EML1: variants seen among roughly 807,000 people sequenced by gnomAD.
The protein encoded by EML1 is EMAP like 1, also known as echinoderm microtubule-associated protein-like 1.
Under a neutral mutation model 110.4 loss-of-function variants are expected in EML1, and 27 were observed. The observed-to-expected ratio is 0.24, with a 90% confidence interval of 0.18 to 0.34. The LOEUF (loss-of-function observed/expected upper bound fraction) is 0.34, where lower values mean the gene tolerates loss of function less well. Among genes scored for constraint, EML1 ranks in the 10% least tolerant of loss-of-function variants. The pLI is 1.00. For missense variants in EML1, 741 were observed against 1,030.9 expected, an observed-to-expected ratio of 0.72 and a Z score of 3.85; for synonymous variants, 344 against 385.8, an observed-to-expected ratio of 0.89 and a Z score of 1.27.
At chr14:99,811,044 T>C (rs1337226350) in intron 1 of EML1, among the ~76,000 whole-genome samples, 1 of 151,044 alleles carries the variant, frequency 6.6e-6, no homozygotes, top group African/African-American at 2.4e-5. Flanking sequence ...CTGTCTGGGA[T>C]CCCATATGGT....
intron 9 of EML1, 73 bp from the exon 10 acceptor site, chr14:99,907,565 A>T: frequency 2.3e-6 from 3 of 1,303,522 alleles, no homozygotes; most frequent in Non-Finnish European, 2.2e-6. Context: ...ATGAAATTTG[A>T]TGTTTATTTT....
intron 15 of EML1, among the ~76,000 whole-genome samples, chr14:99,916,529 C>T (rs2060036937): frequency 6.6e-6 from 1 of 152,164 alleles, no homozygotes; most frequent in South Asian, 2.1e-4. Flanking sequence ...CTAAACACTC[C>T]TGCAAAGTGC....
In EML1 at chr14:99,780,239, G is replaced by T. The variant is rs536488437; in HGVS notation, c.-27+6226G>T. Among the ~76,000 whole-genome samples, 99 of 152,084 alleles carry T rather than the reference G, an allele frequency of 6.5e-4. 3 individuals are homozygous for T. In the South Asian group the frequency reaches 0.019, roughly 30 times the overall value. Reference sequence around the variant, plus strand: ...CTAAATACAGTCACATTGGGGGTTGGGTTTTCAGTGTATGAGTTTGGAAGG... The same window carrying T: ...CTAAATACAGTCACATTGGGGGTTGTGTTTTCAGTGTATGAGTTTGGAAGG... On this transcript the variant is annotated intron_variant, in intron 1 of 22. Transcript: ENST00000327921.
chr14:99,827,394 C>T lies in EML1; in HGVS notation c.68-23459C>T, dbSNP rs115249478. 0.01 allele frequency among the ~76,000 whole-genome samples: 1,593 copies of T among 152,232 alleles called. 30 individuals are homozygous for T. Among genetic ancestry groups the T allele is most frequent in the African/African-American group, 0.034 (1,407 of 41,532 alleles). ...TCGAAGTACCCCGGCAGAGTAGCGG[C>T]ACCTAGTAGCCACAAGTAAGGTGCA... is the stretch of plus-strand genomic sequence containing the variant. On this transcript the variant is annotated intron_variant, in intron 1 of 21. Coordinates refer to ENST00000262233, the MANE Select transcript of EML1 (RefSeq NM_004434.3). The surrounding 1 kb of genome is among the most constrained non-coding windows in gnomAD (Gnocchi z 4.4).
chr14:99,887,859 C>T (rs2059509064), intron 4 of EML1, among the ~76,000 whole-genome samples: 1 of 152,182 alleles, frequency 6.6e-6, no homozygotes, highest in Non-Finnish European at 1.5e-5. Context: ...TATCACTGCA[C>T]ATCTGTGTGT....
intron 17 of EML1, among the ~76,000 whole-genome samples, chr14:99,923,534 T>C (rs948551322): frequency 3.8e-5 from 2 of 52,178 alleles, no homozygotes; most frequent in Non-Finnish European, 6.1e-5. Context: ...TCCCAAGCAC[T>C]TTTTGTTGAA....
chr14:99,903,784 C>CTTTT lies in EML1; in HGVS notation c.1008+2745_1008+2746insTTTT, dbSNP rs202121563. Among the ~76,000 whole-genome samples the CTTTT allele has an allele frequency of 4.0e-4, 56 of 141,634 alleles. 5 individuals are homozygous for CTTTT. The highest frequency in any genetic ancestry group is 4.5e-4 in the African/African-American group (17 of 37,710). 92.9% of individuals were successfully genotyped at this position (141,634 alleles called of 152,430 possible). A position where few individuals can be genotyped will look rare whatever the true frequency, so the allele number is the denominator to read the frequency against. ...ACAAAATCTCATAGATAAATCTATT[C>CTTTT]ATTTTTTTTTTTTTTTTGAGACAGA... On this transcript the variant is annotated intron_variant, in intron 9 of 21. Transcript: ENST00000262233.
chr14:99,928,655 T>C (rs1490854139), intron 17 of EML1, among the ~76,000 whole-genome samples: 1 of 152,212 alleles, frequency 6.6e-6, no homozygotes, highest in Non-Finnish European at 1.5e-5. Context: ...TGGCTGACTC[T>C]GAGCTGCTGG....
At chr14:99,758,608 G>A (rs2057282148) in intron 1 of EML1, among the ~76,000 whole-genome samples, 1 of 152,180 alleles carries the variant, frequency 6.6e-6, no homozygotes, top group Non-Finnish European at 1.5e-5. Context: ...CCCAGAGTCA[G>A]TCCTCGCCCT....
At chr14:99,894,916 A>G (rs574216824) in intron 6 of EML1, among the ~76,000 whole-genome samples, 158 bp downstream of exon 6, 3 of 152,382 alleles carry the variant, frequency 2.0e-5, no homozygotes, top group East Asian at 3.8e-4. Flanking sequence ...AAAATTGACT[A>G]TATGTTAGAG....
At chr14:99,799,632 C>T (rs530793743) in intron 1 of EML1, among the ~76,000 whole-genome samples, 10 of 152,302 alleles carry the variant, frequency 6.6e-5, no homozygotes, top group Middle Eastern at 6.8e-3. Context: ...TATAGCCAAA[C>T]CACAACCATT....
intron 1 of EML1, among the ~76,000 whole-genome samples, chr14:99,757,094 C>T (rs1436496735): frequency 6.6e-6 from 1 of 152,224 alleles, no homozygotes. Flanking sequence ...CATCCAAGCA[C>T]TTTGCGAGGC....
intron 1 of EML1, among the ~76,000 whole-genome samples, chr14:99,745,638 G>T (rs1175595150): frequency 6.6e-6 from 1 of 152,188 alleles, no homozygotes; most frequent in Non-Finnish European, 1.5e-5. Flanking sequence ...TCCGTTTGGG[G>T]GGTCAGACAT....
At chr14:99,793,791 C>G (rs1189358723) in intron 1 of EML1, among the ~76,000 whole-genome samples, 4 of 148,486 alleles carry the variant, frequency 2.7e-5, no homozygotes, top group Non-Finnish European at 6.0e-5. Flanking sequence ...CACTGGCGCG[C>G]GGACCCCGCC....
chr14:99,814,985 C>T (rs2058142928), intron 1 of EML1, among the ~76,000 whole-genome samples: 1 of 152,142 alleles, frequency 6.6e-6, no homozygotes, highest in Non-Finnish European at 1.5e-5. Context: ...GGTCACACAG[C>T]TAGGGAGGGG....
At chr14:99,933,124 T>A (rs1239618592) in intron 17 of EML1, among the ~76,000 whole-genome samples, 3 of 152,116 alleles carry the variant, frequency 2.0e-5, no homozygotes, top group African/African-American at 7.2e-5. Context: ...AAAACAAAAC[T>A]AATGGTTCCA....
At chr14:99,879,462 A>G (rs987762794) in intron 4 of EML1, among the ~76,000 whole-genome samples, 3 of 152,210 alleles carry the variant, frequency 2.0e-5, no homozygotes, top group Admixed American at 2.0e-4. Context: ...ATGTTCATGT[A>G]AGGAGAAGGC....
intron 1 of EML1, among the ~76,000 whole-genome samples, chr14:99,808,814 A>G (rs1034702238): frequency 6.6e-6 from 1 of 152,236 alleles, no homozygotes; most frequent in Non-Finnish European, 1.5e-5. Context: ...ACCCCAATAT[A>G]AAATGATCTC....
upstream of EML1, among the ~76,000 whole-genome samples, chr14:99,771,734 T>A (rs2057430287): frequency 6.6e-6 from 1 of 152,052 alleles, no homozygotes; most frequent in South Asian, 2.1e-4. Flanking sequence ...ATCACTTGAG[T>A]CCAGGGGATT....
Sources: gnomAD v4.1 joint callset for allele counts (sites outside exome capture counted in the v4.1 genomes callset) on GRCh38, gnomAD v4.1.1 for gene constraint, Gnocchi (gnomAD v3.1) non-coding constraint, MANE v1.5 for transcripts, NCBI Gene and HGNC (gene_info 2026-07-23, HGNC 2026-07-21) for gene names.